The following CPAMD8 variants were observed in gnomAD, a reference collection of about 807,000 sequenced individuals.
CPAMD8 encodes C3 and PZP like alpha-2-macroglobulin domain containing 8, also known as C3 and PZP-like alpha-2-macroglobulin domain-containing protein 8.
CPAMD8 carries 146 observed loss-of-function variants against 224.7 expected under a neutral mutation model. The observed-to-expected ratio is 0.65, with a 90% CI of 0.57 to 0.75. The LOEUF (loss-of-function observed/expected upper bound fraction) is 0.75, where lower values mean the gene tolerates loss of function less well. Among genes scored for constraint, CPAMD8 ranks in the 30% least tolerant of loss-of-function variants. CPAMD8 has a pLI of 0.00. For synonymous variants in CPAMD8, 966 were observed against 1,044.6 expected, an observed-to-expected ratio of 0.92 and a Z score of 1.45; for missense variants, 2,301 against 2,537.5, an observed-to-expected ratio of 0.91 and a Z score of 2.00.
intron 18 of CPAMD8, among the ~76,000 whole-genome samples, chr19:16,966,787 A>T (rs2054841596): frequency 6.6e-6 from 1 of 152,224 alleles, no homozygotes; most frequent in Non-Finnish European, 1.5e-5. Context: ...AACCACAATG[A>T]GATACCATCT....
intron 18 of CPAMD8, among the ~76,000 whole-genome samples, chr19:16,959,030 C>G (rs1476805598): frequency 6.6e-6 from 1 of 151,972 alleles, no homozygotes; most frequent in African/African-American, 2.4e-5. Flanking sequence ...AAATCCTGAC[C>G]TCAGGTGATC....
At chr19:16,974,964 G>A in intron 17 of CPAMD8, 133 bp downstream of exon 17, 1 of 1,218,130 alleles carries the variant, frequency 8.2e-7, no homozygotes, top group Non-Finnish European at 1.1e-6. Context: ...CACAGAGCGA[G>A]ACCCCATCTC....
At chr19:16,916,937 G>A (rs73525410) in intron 27 of CPAMD8, among the ~76,000 whole-genome samples, 2,552 of 152,166 alleles carry the variant, frequency 0.017, 64 homozygotes, top group African/African-American at 0.059. Context: ...CAACCAGGGG[G>A]AAACTCCATG....
chr19:16,896,665 C>T lies in CPAMD8; in HGVS notation c.5066G>A (p.Gly1689Asp), dbSNP rs1233185338. 1.1e-5 allele frequency: 16 copies of T among 1,453,268 alleles called. No individual in the cohort carries two copies. Among genetic ancestry groups the T allele is most frequent in the Non-Finnish European group, 1.2e-5 (13 of 1,105,430 alleles). The allele number at this position is 1,453,268 out of a possible 1,614,324, so 90.0% of individuals were successfully genotyped here. ...EVERAPARGP[G>D]WFPGESGPAV... ...AGGGCCCGACTCGCCGGGGAACCAG[C>T]CTGGGGGACGAGGCAGGCTCGACAG... is the stretch of plus-strand genomic sequence containing the variant. Residue 1689 changes from glycine (G) to aspartate (D), a missense_variant and splice_region_variant, in exon 40 of 42, where the codon GGC becomes GAC. Gly to Asp is a moderately conservative substitution (Grantham distance 94, BLOSUM62 -1). Transcript: ENST00000443236.
intron 18 of CPAMD8, among the ~76,000 whole-genome samples, chr19:16,959,104 G>A (rs1235512201): frequency 6.7e-6 from 1 of 149,282 alleles, no homozygotes; most frequent in Non-Finnish European, 1.5e-5. Flanking sequence ...CAGCTTATTT[G>A]TTGACTCTTT....
At chr19:16,918,322 G>C (rs2053038642) in intron 27 of CPAMD8, among the ~76,000 whole-genome samples, 3 of 151,838 alleles carry the variant, frequency 2.0e-5, no homozygotes, top group Admixed American at 1.3e-4. Flanking sequence ...AGCATGTCTT[G>C]ATTACTTAGA....
chr19:17,016,888 C>CA (rs1465092272), intron 3 of CPAMD8, among the ~76,000 whole-genome samples: 4 of 143,372 alleles, frequency 2.8e-5, no homozygotes, highest in Non-Finnish European at 4.6e-5. Flanking sequence ...GTTCTAGGGT[C>CA]TTTTTTTTTT....
Position 16,897,745 on chromosome 19 carries a change from G to T in CPAMD8, c.5011C>A (p.Leu1671Met), listed in dbSNP as rs1458157263. Residue 1671 changes from leucine (L) to methionine (M), a missense_variant, in exon 39 of 42, where the codon CTG becomes ATG. Leu to Met is a conservative substitution (Grantham distance 15, BLOSUM62 2). Around this residue, in one of 4 missense-constraint regions of CPAMD8, gnomAD observed 1,709 missense variants for 1,753.2 expected, o/e 0.97. Transcript: ENST00000443236. ...TCGTTGCACGCGGGTCCGGCGCACAGTTCCCGGGCGAGTGGGCTGTGGGTG... is the reference window on the plus strand; with the variant it reads ...TCGTTGCACGCGGGTCCGGCGCACATTTCCCGGGCGAGTGGGCTGTGGGTG... ...VSTHSPLARE[L>M]CAGPACNEVE... The T allele has an allele frequency of 1.3e-6, 2 of 1,579,500 alleles. No homozygotes were observed.
intron 10 of CPAMD8, among the ~76,000 whole-genome samples, chr19:16,999,750 G>C (rs977043108): frequency 6.6e-6 from 1 of 152,176 alleles, no homozygotes; most frequent in Non-Finnish European, 1.5e-5. Context: ...CTGAGCTCAA[G>C]AGATCTTCCT....
rs756988521 is a variant in CPAMD8, at chr19:16,897,946, A to C, written c.4897T>G (p.Cys1633Gly). ...AGCGCCGACGTCCTGCCCACCACGCACTCCCGGAGAGCACGGAACCGCACG... is the reference window on the plus strand; with the variant it reads ...AGCGCCGACGTCCTGCCCACCACGCCCTCCCGGAGAGCACGGAACCGCACG... ...TCVRFRALRE[C>G]VVGRTSALPV... The change falls in exon 38 of 42, where the codon TGC becomes GGC. Residue 1633 changes from cysteine (C) to glycine (G), a missense_variant. This residue lies in a region of CPAMD8 where 1,709 missense variants were observed against 1,753.2 expected (regional missense o/e 0.97). Coordinates refer to ENST00000443236, the MANE Select transcript of CPAMD8 (RefSeq NM_015692.5). 1.9e-6 allele frequency: 3 copies of C among 1,610,618 alleles called. No homozygotes were observed. Among genetic ancestry groups the C allele is most frequent in the Admixed American group, 3.3e-5 (2 of 59,880 alleles).
intron 22 of CPAMD8, among the ~76,000 whole-genome samples, chr19:16,942,163 A>G (rs2053918419): frequency 6.6e-6 from 1 of 151,312 alleles, no homozygotes; most frequent in African/African-American, 2.4e-5. Flanking sequence ...TCTTTTCTTT[A>G]CTAATTATCC....
intron 22 of CPAMD8, among the ~76,000 whole-genome samples, chr19:16,942,100 C>T (rs747692890): frequency 1.3e-5 from 2 of 152,166 alleles, no homozygotes; most frequent in Admixed American, 1.3e-4. Context: ...TTTCCTGAGG[C>T]CTCCCCAGCC....
chr19:16,997,588 C>T (rs979358132), intron 10 of CPAMD8, among the ~76,000 whole-genome samples: 5 of 152,100 alleles, frequency 3.3e-5, no homozygotes, highest in Non-Finnish European at 7.4e-5. Context: ...CGGTGGCTCA[C>T]GCCTGTAATC....
chr19:16,978,813 C>T (rs2055376491), intron 14 of CPAMD8, among the ~76,000 whole-genome samples: 1 of 151,738 alleles, frequency 6.6e-6, no homozygotes, highest in Admixed American at 6.6e-5. Flanking sequence ...ATCCATCCAC[C>T]ATCTACCCAT....
At chr19:17,024,446 G>A (rs1298098998) in intron 1 of CPAMD8, among the ~76,000 whole-genome samples, 1 of 152,204 alleles carries the variant, frequency 6.6e-6, no homozygotes, top group Non-Finnish European at 1.5e-5. Flanking sequence ...GCACTGGAAT[G>A]TGGCATCCTT....
At chr19:16,965,502 T>A (rs1405665087) in intron 18 of CPAMD8, among the ~76,000 whole-genome samples, 3 of 151,788 alleles carry the variant, frequency 2.0e-5, no homozygotes, top group Non-Finnish European at 4.4e-5. Context: ...GGCAATCAGG[T>A]AAGAGAAGGA....
chr19:16,928,119 A>G lies in CPAMD8; in HGVS notation c.3260T>C (p.Phe1087Ser), dbSNP rs1316240110. The stretch of plus-strand genomic sequence containing the variant: ...CACCTCCATCTTCCTCCAGATTCGG[A>G]ATTCACCCATGGAGCCCCAGCCGGT... ...FSTGWGSMGE[F>S]RIWRKMEVDE... is the part of the protein sequence containing the mutation. Residue 1087 changes from phenylalanine to serine, a missense_variant, in exon 25 of 42, where the codon TTC (phenylalanine) becomes TCC (serine). Phe to Ser is a radical substitution (Grantham distance 155, BLOSUM62 -2). Coordinates refer to ENST00000443236, the MANE Select transcript of CPAMD8 (RefSeq NM_015692.5). 2.5e-6 allele frequency: 4 copies of G among 1,613,962 alleles called. No homozygotes were observed. Among genetic ancestry groups the G allele is most frequent in the Non-Finnish European group, 2.5e-6 (3 of 1,180,040 alleles).
At chr19:17,004,233 C>A (rs2056419660) in intron 8 of CPAMD8, 40 bp downstream of exon 8, 1 of 1,399,528 alleles carries the variant, frequency 7.1e-7, no homozygotes, top group Admixed American at 1.7e-5. Context: ...AGGTTTCTCC[C>A]AGATCTGAAA....
At chr19:16,897,647 G>A in intron 39 of CPAMD8, 44 bp downstream of exon 39, 1 of 1,153,380 alleles carries the variant, frequency 8.7e-7, no homozygotes, top group Non-Finnish European at 1.2e-6. Flanking sequence ...GAGTCGGGGT[G>A]TGGCAGGCCG....
Sources: allele counts gnomAD v4.1 joint callset (sites outside exome capture counted in the v4.1 genomes callset), GRCh38; gene constraint gnomAD v4.1.1; regional missense constraint gnomAD v4.1.1; transcripts MANE v1.5; gene names NCBI Gene and HGNC (gene_info 2026-07-23, HGNC 2026-07-21).